Variants in NWD2 observed in about 807,000 individuals in gnomAD.
NWD2 encodes NACHT and WD repeat domain containing 2, also known as NACHT and WD repeat domain-containing protein 2.
NWD2 carries 37 observed loss-of-function variants against 132.7 expected under a neutral mutation model. The observed-to-expected ratio is 0.28, with a 90% confidence interval of 0.21 to 0.37. NWD2 has a LOEUF of 0.37. Among genes scored for constraint, NWD2 ranks in the 10% least tolerant of loss-of-function variants. The pLI, the probability that NWD2 is intolerant of heterozygous loss-of-function variation, is 1.00. For missense variants in NWD2, 1,592 were observed against 2,122.4 expected, an observed-to-expected ratio of 0.75 and a Z score of 4.91; for synonymous variants, 705 against 803.0, an observed-to-expected ratio of 0.88 and a Z score of 2.06.
At chr4:37,383,845 T>G (rs964133257) in intron 3 of NWD2, among the ~76,000 whole-genome samples, 1 of 152,200 alleles carries the variant, frequency 6.6e-6, no homozygotes, top group Non-Finnish European at 1.5e-5. Flanking sequence ...CCAAGTTGTT[T>G]TCTGAGATCC....
intron 3 of NWD2, among the ~76,000 whole-genome samples, chr4:37,369,474 A>G (rs1720172208): frequency 6.6e-6 from 1 of 152,184 alleles, no homozygotes; most frequent in Non-Finnish European, 1.5e-5. Flanking sequence ...TATAAGTGAG[A>G]ACATGTGGTA....
intron 2 of NWD2, among the ~76,000 whole-genome samples, chr4:37,354,045 TG>T (rs1232480458): frequency 6.6e-6 from 1 of 152,136 alleles, no homozygotes; most frequent in Non-Finnish European, 1.5e-5. Flanking sequence ...TCCTTTTTGT[TG>T]ATGTTGATGC....
At position 37,448,295 on chromosome 4, in the gene NWD2, T is replaced by G. The variant is rs1712696593; in HGVS notation, c.*1078T>G. On this transcript the variant is annotated 3_prime_UTR_variant, in exon 7 of 7. Transcript: ENST00000309447. The stretch of plus-strand genomic sequence containing the variant: ...ATATGCCTGTCTTTGTGCTAAAATA[T>G]TCCATAAATCTTAAGGGTGTCCAAA... 6.6e-6 allele frequency: 1 copy of G among 152,198 alleles called. No individual in the cohort carries two copies. The highest frequency in any genetic ancestry group is 1.5e-5 in the Non-Finnish European group (1 of 68,024). 9.4% of individuals were successfully genotyped at this position (152,198 alleles called of 1,614,324 possible).
intron 2 of NWD2, among the ~76,000 whole-genome samples, chr4:37,343,908 T>C (rs542597991): frequency 6.6e-6 from 1 of 152,302 alleles, no homozygotes; most frequent in Non-Finnish European, 1.5e-5. Context: ...TATTTGCTGG[T>C]TTTTTGTTTT....
intron 1 of NWD2, among the ~76,000 whole-genome samples, chr4:37,246,386 G>A (rs1332149822): frequency 2.6e-5 from 4 of 152,184 alleles, no homozygotes; most frequent in Non-Finnish European, 5.9e-5. Context: ...ATGAGAAGGA[G>A]TTGGGGAGAG....
At chr4:37,393,338 C>A (rs1720717607) in intron 3 of NWD2, among the ~76,000 whole-genome samples, 1 of 152,082 alleles carries the variant, frequency 6.6e-6, no homozygotes, top group African/African-American at 2.4e-5. Flanking sequence ...AAATGATTGA[C>A]CCTTAAGTTT....
chr4:37,438,263 CAA>C (rs58024420), intron 5 of NWD2, among the ~76,000 whole-genome samples: 19 of 99,064 alleles, frequency 1.9e-4, no homozygotes, highest in East Asian at 5.5e-4. Context: ...TCCGTCTAAA[CAA>C]AAAAAAAAAA....
chr4:37,405,431 G>GAATAC (rs1181056447), intron 3 of NWD2, among the ~76,000 whole-genome samples: 29 of 22,128 alleles, frequency 1.3e-3, no homozygotes, highest in African/African-American at 3.9e-3. Context: ...TAATAGAATA[G>GAATAC]AATAGAATAG....
intron 3 of NWD2, among the ~76,000 whole-genome samples, chr4:37,421,306 T>G (rs964303980): frequency 6.6e-6 from 1 of 152,262 alleles, no homozygotes; most frequent in African/African-American, 2.4e-5. Context: ...TTGGAGGTAA[T>G]GTAAGCTAAG....
chr4:37,374,770 C>T (rs564354975), intron 3 of NWD2, among the ~76,000 whole-genome samples: 9 of 152,144 alleles, frequency 5.9e-5, no homozygotes, highest in Non-Finnish European at 1.2e-4. Flanking sequence ...ATAACAGCAA[C>T]AATACTAATA....
intron 1 of NWD2, among the ~76,000 whole-genome samples, chr4:37,268,210 T>C (rs1267188117): frequency 6.6e-6 from 1 of 151,900 alleles, no homozygotes; most frequent in Non-Finnish European, 1.5e-5. Flanking sequence ...TTGTATCCTG[T>C]TTTTACACAT....
chr4:37,322,360 T>C (rs1577667637), intron 1 of NWD2, among the ~76,000 whole-genome samples: 3 of 152,168 alleles, frequency 2.0e-5, no homozygotes, highest in East Asian at 3.9e-4. Context: ...TCTGAGGAGG[T>C]GGCATTAAAG....
At chr4:37,275,208 T>C (rs1332942197) in intron 1 of NWD2, among the ~76,000 whole-genome samples, 3 of 152,250 alleles carry the variant, frequency 2.0e-5, no homozygotes, top group African/African-American at 7.2e-5. Flanking sequence ...AATCTCCTTA[T>C]GCTGATAAGC....
chr4:37,443,458 T>A lies in NWD2; in HGVS notation c.1470T>A (p.His490Gln). ...CLVQSYPKKI[H>Q]DLCDLFINLL... ...TTCAAAGCTACCCTAAGAAGATCCA[T>A]GACCTCTGTGACTTATTTATAAATC... Residue 490 changes from histidine (H) to glutamine (Q), a missense_variant, in exon 7 of 7, where the codon CAT becomes CAA. By Grantham distance (24) the His-to-Gln change is conservative. Coordinates refer to ENST00000309447, the MANE Select transcript of NWD2 (RefSeq NM_001144990.2). The surrounding 1 kb of genome is among the most constrained non-coding windows in gnomAD (Gnocchi z 4.1). 6.4e-7 allele frequency: 1 copy of A among 1,552,242 alleles called. No homozygotes were observed. Among genetic ancestry groups the A allele is most frequent in the Non-Finnish European group, 8.7e-7 (1 of 1,147,120 alleles).
chr4:37,258,994 A>C (rs531397691), intron 1 of NWD2, among the ~76,000 whole-genome samples: 2 of 152,028 alleles, frequency 1.3e-5, no homozygotes, highest in Non-Finnish European at 2.9e-5. Flanking sequence ...CCCTCTTAAC[A>C]CTCCACGGAC....
At chr4:37,294,605 A>G (rs1025420749) in intron 1 of NWD2, among the ~76,000 whole-genome samples, 4 of 152,236 alleles carry the variant, frequency 2.6e-5, no homozygotes, top group African/African-American at 9.6e-5. Flanking sequence ...TAGATATTCC[A>G]GTGAAATGGA....
intron 3 of NWD2, among the ~76,000 whole-genome samples, chr4:37,393,298 A>G (rs1001762989): frequency 5.3e-5 from 8 of 152,132 alleles, no homozygotes; most frequent in Non-Finnish European, 8.8e-5. Flanking sequence ...GGCCTTTTAT[A>G]TATTTTCTCT....
At chr4:37,382,683 T>TA (rs1720476684) in intron 3 of NWD2, among the ~76,000 whole-genome samples, 2 of 151,952 alleles carry the variant, frequency 1.3e-5, no homozygotes, top group African/African-American at 4.8e-5. Flanking sequence ...ATTTTTATTT[T>TA]TTATATATTT....
chr4:37,383,343 C>A (rs529029560), intron 3 of NWD2, among the ~76,000 whole-genome samples: 1 of 152,242 alleles, frequency 6.6e-6, no homozygotes, highest in Non-Finnish European at 1.5e-5. Flanking sequence ...GTGGGCTTTC[C>A]TGTGGTGAAA....
Sources: gnomAD v4.1 joint callset for allele counts (sites outside exome capture counted in the v4.1 genomes callset) on GRCh38, gnomAD v4.1.1 for gene constraint, Gnocchi (gnomAD v3.1) non-coding constraint, MANE v1.5 for transcripts, NCBI Gene and HGNC (gene_info 2026-07-23, HGNC 2026-07-21) for gene names.